The following IWS1 variants were observed in gnomAD, a reference collection of about 807,000 sequenced individuals.
IWS1 encodes protein IWS1 homolog.
A neutral mutation model predicts 86.7 loss-of-function variants in IWS1; 27 were observed. The observed-to-expected ratio is 0.31, with a 90% confidence interval of 0.23 to 0.43. The LOEUF is 0.43. Among genes scored for constraint, IWS1 ranks in the 20% least tolerant of loss-of-function variants. The pLI, the probability that IWS1 is intolerant of heterozygous loss-of-function variation, is 1.00. For missense variants in IWS1, 827 were observed against 1,000.8 expected (o/e 0.83, Z 2.34); for synonymous variants, 313 against 335.1 (o/e 0.93, Z 0.72).
chr2:127,487,165 ATAAT>A (rs1190623612), intron 12 of IWS1, among the ~76,000 whole-genome samples: 5 of 152,232 alleles, frequency 3.3e-5, no homozygotes, highest in Non-Finnish European at 7.3e-5. Context: ...TCTTTTGAAG[ATAAT>A]TACAGATTCA....
upstream of IWS1, chr2:127,526,613 G>T (rs1692437036): frequency 7.4e-7 from 1 of 1,351,526 alleles, no homozygotes; most frequent in African/African-American, 1.5e-5. Context: ...AATTGAGCTG[G>T]AACTCGGGCT....
Position 127,516,477 on chromosome 2 carries a change from T to C in IWS1, c.150+7199A>G, listed in dbSNP as rs546577926. 1.4e-4 allele frequency among the ~76,000 whole-genome samples: 22 copies of C among 152,164 alleles called. No homozygotes were observed. The South Asian group carries it at 1.7e-3, about 11-fold the overall frequency. On this transcript the variant is annotated intron_variant, in intron 2 of 13. Coordinates refer to ENST00000295321, the MANE Select transcript of IWS1 (RefSeq NM_017969.3). ...CAACTAAATCAGATATCTAAAGAAA[T>C]AGGCCTGGCACAATGGCTCACACGT...
chr2:127,527,158 A>G (rs924095452), upstream of IWS1, among the ~76,000 whole-genome samples: 5 of 152,188 alleles, frequency 3.3e-5, no homozygotes, highest in Admixed American at 2.0e-4. Flanking sequence ...CTGGAACGGC[A>G]CACTGTAAAG....
Position 127,499,160 on chromosome 2 carries a change from G to A in IWS1, c.1468-923C>T, listed in dbSNP as rs930654548. On this transcript the variant is annotated intron_variant, in intron 5 of 13. Transcript: ENST00000295321. This position sits in a 1 kb window ranked among gnomAD's most constrained non-coding sequence, Gnocchi z 4.0. ...GGCCAGAGTGCAGTGGCGTGATCTC[G>A]GCTCACTGCAAGCTCCACCTCCCGG... Among the ~76,000 whole-genome samples the A allele has an allele frequency of 3.4e-5, 5 of 149,210 alleles. No homozygotes were observed. The highest frequency in any genetic ancestry group is 2.0e-4 in the Admixed American group (3 of 14,874).
intron 2 of IWS1, among the ~76,000 whole-genome samples, chr2:127,518,425 G>C (rs1177441773): frequency 1.3e-5 from 2 of 152,090 alleles, no homozygotes; most frequent in East Asian, 1.9e-4. Context: ...CTGAGGTCTG[G>C]ATCACTTAAG....
chr2:127,521,524 A>C (rs995691856), intron 2 of IWS1, among the ~76,000 whole-genome samples: 1 of 152,188 alleles, frequency 6.6e-6, no homozygotes, highest in Non-Finnish European at 1.5e-5. Context: ...TCATACATCT[A>C]ATCTACCAAA....
intron 2 of IWS1, among the ~76,000 whole-genome samples, chr2:127,519,597 T>C (rs367912955): frequency 4.6e-5 from 7 of 152,092 alleles, no homozygotes; most frequent in African/African-American, 1.7e-4. Context: ...AATACCATTA[T>C]TGGGAAAATT....
chr2:127,509,497 A>G (rs1691328488), intron 2 of IWS1, among the ~76,000 whole-genome samples: 1 of 152,096 alleles, frequency 6.6e-6, no homozygotes, highest in African/African-American at 2.4e-5. Flanking sequence ...TCACGAGGTC[A>G]GGAGATTGAG....
At chr2:127,488,375 T>A (rs574065748) in intron 12 of IWS1, among the ~76,000 whole-genome samples, 1 of 152,324 alleles carries the variant, frequency 6.6e-6, no homozygotes, top group Admixed American at 6.5e-5. Context: ...AGAACTTGCC[T>A]GGTCCCTCAA....
chr2:127,494,691 C>T, intron 8 of IWS1, 181 bp downstream of exon 8: 1 of 403,138 alleles, frequency 2.5e-6, no homozygotes. Flanking sequence ...TCTGTTTGCA[C>T]CAGGCATCAA....
chr2:127,493,466 C>T lies in IWS1; in HGVS notation c.1800-56G>A, dbSNP rs191293955. 479 of 1,492,434 alleles carry T rather than the reference C, an allele frequency of 3.2e-4. 1 individual carries two copies. The African/African-American group carries it at 4.0e-3, about 13-fold the overall frequency. 92.4% of individuals were successfully genotyped at this position (1,492,434 alleles called of 1,614,324 possible). On this transcript the variant is annotated intron_variant, in intron 8 of 13. Transcript: ENST00000295321. ...TGAACCTTGGTTCTACTGTATCTTC[C>T]GACTTTTCTTACATATTTAGTGATG...
rs377748273 is a variant in IWS1 at position 127,503,698 on chromosome 2, AAAT to A, written c.1220-125_1220-123del. 545 of 356,256 alleles carry A rather than the reference AAAT, an allele frequency of 1.5e-3. 1 individual carries two copies. The highest frequency in any genetic ancestry group is 0.01 in the African/African-American group (467 of 45,702). The allele number at this position is 356,256 out of a possible 1,614,324, so 22.1% of individuals were successfully genotyped here. ...TAAATAAATAAATAAATAAATAAAT[AAAT>A]AAATAAAATAAAATCAGAGGGCCTC... On this transcript the variant is annotated intron_variant, in intron 3 of 13. Transcript: ENST00000295321.
chr2:127,489,881 T>C lies in IWS1; in HGVS notation c.2110A>G (p.Arg704Gly). The C allele has an allele frequency of 6.2e-7, 1 of 1,613,188 alleles. No homozygotes were observed. The highest frequency in any genetic ancestry group is 1.3e-5 in the African/African-American group (1 of 75,028). Reference protein sequence around the residue: ...SNYKGMTREEREQRDLEQMPQ... With the variant: ...SNYKGMTREEGEQRDLEQMPQ... The stretch of plus-strand genomic sequence containing the variant: ...ATCTGTTCTAGATCTCTCTGCTCCC[T>C]TTCTTCTCTTGTCATTCCTTTGTAG... The change falls in exon 11 of 14, where the codon AGG becomes GGG. Residue 704 changes from arginine to glycine, a missense_variant. By Grantham distance (125) the Arg-to-Gly change is moderately radical (BLOSUM62 -2). Around this residue, in one of 2 missense-constraint regions of IWS1, gnomAD observed 279 missense variants for 440.6 expected, o/e 0.63. Transcript: ENST00000295321. This position sits in a 1 kb window ranked among gnomAD's most constrained non-coding sequence, Gnocchi z 4.8.
At chr2:127,493,232 G>A in intron 9 of IWS1, 49 bp downstream of exon 9, 1 of 1,556,338 alleles carries the variant, frequency 6.4e-7, no homozygotes, top group Non-Finnish European at 8.7e-7. Context: ...TGACCATACA[G>A]ACCACATTAG....
upstream of IWS1, chr2:127,526,657 C>G (rs1284672387): frequency 1.6e-5 from 21 of 1,322,526 alleles, 1 homozygote; most frequent in Non-Finnish European, 2.0e-5. Context: ...GGATCCTGGT[C>G]TGACCCCCGT....
At chr2:127,509,305 C>G (rs1407803919) in intron 2 of IWS1, among the ~76,000 whole-genome samples, 1 of 152,026 alleles carries the variant, frequency 6.6e-6, no homozygotes, top group Non-Finnish European at 1.5e-5. Flanking sequence ...TACAACAAAC[C>G]AACAGTTGAA....
At chr2:127,493,525 T>G in intron 8 of IWS1, 115 bp from the exon 9 acceptor site, 1 of 909,368 alleles carries the variant, frequency 1.1e-6, no homozygotes, top group Non-Finnish European at 1.6e-6. Context: ...GTTACTCATA[T>G]AAATTTGACA....
intron 6 of IWS1, among the ~76,000 whole-genome samples, chr2:127,497,513 C>T (rs1690577144): frequency 6.6e-6 from 1 of 152,202 alleles, no homozygotes; most frequent in South Asian, 2.1e-4. Flanking sequence ...TTATGGCTTT[C>T]ATCAGAATCA....
chr2:127,511,050 T>C (rs1405371204), intron 2 of IWS1: 1 of 152,218 alleles, frequency 6.6e-6, no homozygotes, highest in Non-Finnish European at 1.5e-5. Context: ...CCACTAACTT[T>C]GCGCCTTTAC....
Sources: gnomAD v4.1 joint callset for allele counts (sites outside exome capture counted in the v4.1 genomes callset) on GRCh38, gnomAD v4.1.1 for gene constraint, gnomAD v4.1.1 regional missense constraint, Gnocchi (gnomAD v3.1) non-coding constraint, MANE v1.5 for transcripts, NCBI Gene and HGNC (gene_info 2026-07-23, HGNC 2026-07-21) for gene names.